The following FRMD5 variants were observed in gnomAD, a reference collection of about 807,000 sequenced individuals.
FRMD5 encodes FERM domain-containing protein 5.
FRMD5 carries 20 observed loss-of-function variants against 69.0 expected under a neutral mutation model. That is an observed-to-expected ratio of 0.29 (90% CI 0.20 to 0.42). The LOEUF (loss-of-function observed/expected upper bound fraction) is 0.42, where lower values mean the gene tolerates loss of function less well. FRMD5 is among the 10% of genes least tolerant of loss of function. FRMD5 has a pLI of 1.00. For synonymous variants in FRMD5, 271 were observed against 260.1 expected, an observed-to-expected ratio of 1.04 and a Z score of -0.40; for missense variants, 595 against 708.6, an observed-to-expected ratio of 0.84 and a Z score of 1.82.
intron 1 of FRMD5, among the ~76,000 whole-genome samples, chr15:44,140,534 A>G (rs1159065452): frequency 6.6e-6 from 1 of 152,140 alleles, no homozygotes; most frequent in East Asian, 1.9e-4. Context: ...AAGAATTAAA[A>G]AAGAAATATC....
chr15:43,969,555 C>CTTCTTCATATAAATTGGTGGAAT (rs1411568448), intron 1 of FRMD5, among the ~76,000 whole-genome samples: 8 of 152,312 alleles, frequency 5.3e-5, no homozygotes, highest in African/African-American at 1.9e-4. Flanking sequence ...ATGGGTGGAA[C>CTTCTTCATATAAATTGGTGGAAT]TTCTTCATAT....
chr15:44,161,901 T>C (rs111702601), intron 1 of FRMD5, among the ~76,000 whole-genome samples: 1 of 152,350 alleles, frequency 6.6e-6, no homozygotes, highest in Non-Finnish European at 1.5e-5. Flanking sequence ...CCTTATGTTC[T>C]GTCATCCCTT....
At chr15:44,029,882 A>AACAT (rs1176211207) in intron 1 of FRMD5, among the ~76,000 whole-genome samples, 2 of 152,240 alleles carry the variant, frequency 1.3e-5, no homozygotes, top group Non-Finnish European at 1.5e-5. Flanking sequence ...ACACCTGAAG[A>AACAT]ACATCATCAG....
chr15:44,140,293 AAAT>A (rs2140442555), intron 1 of FRMD5, among the ~76,000 whole-genome samples: 1 of 152,282 alleles, frequency 6.6e-6, no homozygotes, highest in African/African-American at 2.4e-5. Context: ...TATATAGAGA[AAAT>A]AACGTACTAG....
intron 1 of FRMD5, among the ~76,000 whole-genome samples, chr15:44,145,973 G>T (rs2077349399): frequency 6.6e-6 from 1 of 152,102 alleles, no homozygotes; most frequent in Non-Finnish European, 1.5e-5. Context: ...TTACATTTTT[G>T]CATACTGAGA....
intron 6 of FRMD5, among the ~76,000 whole-genome samples, chr15:43,904,457 C>T (rs2089122875): frequency 6.6e-6 from 1 of 152,192 alleles, no homozygotes; most frequent in Admixed American, 6.5e-5. Context: ...CAACCTCCAC[C>T]TCCCAGGTTC....
rs2077799706 is a variant in FRMD5 at position 44,171,336 on chromosome 15, G to A, written c.102+23617C>T. Among the ~76,000 whole-genome samples, 3 of 152,274 alleles carry A rather than the reference G, an allele frequency of 2.0e-5. No homozygotes were observed. The South Asian group carries it at 6.2e-4, about 32-fold the overall frequency. ...TTTTAAAGCAGTCATTCTATTTCCA[G>A]CCAGTTCATTGATCAACTTGTTCAA... On this transcript the variant is annotated intron_variant, in intron 1 of 13. Coordinates refer to ENST00000417257, the MANE Select transcript of FRMD5 (RefSeq NM_032892.5).
intron 1 of FRMD5, among the ~76,000 whole-genome samples, chr15:44,156,423 CG>C (rs2077529363): frequency 1.3e-5 from 2 of 152,212 alleles, no homozygotes; most frequent in Non-Finnish European, 2.9e-5. Flanking sequence ...GGATTACAGG[CG>C]TGGGCCACCT....
intron 1 of FRMD5, among the ~76,000 whole-genome samples, chr15:44,033,954 T>C (rs1891799010): frequency 6.6e-6 from 1 of 152,246 alleles, no homozygotes; most frequent in Non-Finnish European, 1.5e-5. Flanking sequence ...TCTTATTTAT[T>C]TGATCTAGAG....
chr15:44,052,240 A>C (rs1309120069), intron 1 of FRMD5, among the ~76,000 whole-genome samples: 1 of 152,124 alleles, frequency 6.6e-6, no homozygotes, highest in East Asian at 1.9e-4. Context: ...TTACAATGCA[A>C]TACTACTTTA....
At chr15:43,924,360 A>T (rs1178557422) in intron 1 of FRMD5, 51 bp from the exon 2 acceptor site, 2 of 1,315,574 alleles carry the variant, frequency 1.5e-6, no homozygotes, top group Non-Finnish European at 1.0e-6. Flanking sequence ...CTTCAGTGTA[A>T]CTTTTTTTTT....
At chr15:44,057,236 T>C (rs1049122220) in intron 1 of FRMD5, among the ~76,000 whole-genome samples, 2 of 151,964 alleles carry the variant, frequency 1.3e-5, no homozygotes, top group African/African-American at 4.8e-5. Context: ...GCGATTCTCC[T>C]GCCTCAGCCT....
intron 1 of FRMD5, among the ~76,000 whole-genome samples, chr15:44,143,321 C>T (rs922354277): frequency 5.3e-5 from 8 of 151,918 alleles, no homozygotes; most frequent in Non-Finnish European, 8.8e-5. Flanking sequence ...CTGGTGAATT[C>T]ACACATGAGC....
intron 1 of FRMD5, among the ~76,000 whole-genome samples, chr15:44,176,591 G>C (rs1367387650): frequency 6.6e-6 from 1 of 152,018 alleles, no homozygotes; most frequent in Non-Finnish European, 1.5e-5. Flanking sequence ...AAAATGAAAA[G>C]ACAACTCACA....
At chr15:44,013,336 C>A (rs1354808537) in intron 1 of FRMD5, among the ~76,000 whole-genome samples, 1 of 152,082 alleles carries the variant, frequency 6.6e-6, no homozygotes, top group Non-Finnish European at 1.5e-5. Context: ...GAGGTTAAGT[C>A]CCTAAGTTAC....
intron 1 of FRMD5, among the ~76,000 whole-genome samples, chr15:44,079,448 C>A (rs935984124): frequency 2.5e-4 from 38 of 152,114 alleles, no homozygotes; most frequent in South Asian, 2.1e-4. Flanking sequence ...GTAGTCCCAA[C>A]TAAGTGGAAG....
Position 43,989,607 on chromosome 15 carries a change from G to A in FRMD5, c.103-65298C>T, listed in dbSNP as rs1204810924. The A allele has an allele frequency of 3.5e-5, 30 of 855,892 alleles. 1 individual carries two copies. In the South Asian group the frequency reaches 3.8e-4, roughly 11 times the overall value. The allele number at this position is 855,892 out of a possible 1,614,324, so 53.0% of individuals were successfully genotyped here. A position where few individuals can be genotyped will look rare whatever the true frequency, so the allele number is the denominator to read the frequency against. On this transcript the variant is annotated intron_variant, in intron 1 of 13. Transcript: ENST00000417257. ...GTGAAGATGTAGCTGTGCTAGGTGA[G>A]GACCTTCATGAGGTAGTCAGTCAGG... is the stretch of plus-strand genomic sequence containing the variant.
intron 2 of FRMD5, among the ~76,000 whole-genome samples, chr15:43,920,903 C>T (rs2089482292): frequency 1.3e-5 from 2 of 152,220 alleles, no homozygotes; most frequent in African/African-American, 4.8e-5. Context: ...GCATCCTGGC[C>T]TCCCTTGATT....
chr15:44,191,819 A>C (rs1233478837), intron 1 of FRMD5, among the ~76,000 whole-genome samples: 1 of 149,530 alleles, frequency 6.7e-6, no homozygotes, highest in Non-Finnish European at 1.5e-5. Flanking sequence ...GAGTTCAAAG[A>C]TATTAGTTAT....
Sources: gnomAD v4.1 joint callset for allele counts (sites outside exome capture counted in the v4.1 genomes callset) on GRCh38, gnomAD v4.1.1 for gene constraint, MANE v1.5 for transcripts, NCBI Gene and HGNC (gene_info 2026-07-23, HGNC 2026-07-21) for gene names.